Variants in TMEM182 observed in about 807,000 individuals in gnomAD.
TMEM182 encodes transmembrane protein 182.
Under a neutral mutation model 26.8 loss-of-function variants are expected in TMEM182, and 20 were observed. The ratio of observed to expected loss-of-function variants is 0.75; its 90% CI spans 0.53 to 1.09. The LOEUF (loss-of-function observed/expected upper bound fraction) is 1.09. Ranked by LOEUF, TMEM182 falls within the 50% of genes least tolerant of loss-of-function variation. TMEM182 has a pLI of 0.00. For synonymous variants in TMEM182, 109 were observed against 102.2 expected, an observed-to-expected ratio of 1.07 and a Z score of -0.40; for missense variants, 277 against 275.5, an observed-to-expected ratio of 1.01 and a Z score of -0.04.
chr2:102,832,217 T>C (rs190438731), intron 3 of TMEM182, among the ~76,000 whole-genome samples: 1 of 152,356 alleles, frequency 6.6e-6, no homozygotes, highest in Non-Finnish European at 1.5e-5. Flanking sequence ...GACTATAAAT[T>C]AACTCTTTCA....
intron 3 of TMEM182, among the ~76,000 whole-genome samples, chr2:102,792,473 T>C (rs1681690732): frequency 6.6e-6 from 1 of 152,220 alleles, no homozygotes; most frequent in Non-Finnish European, 1.5e-5. Flanking sequence ...TAATTCACCA[T>C]GTGTTGAAGA....
Position 102,762,696 on chromosome 2 carries a change from A to C in TMEM182, c.232+10A>C. 1 of 1,601,492 alleles carries C rather than the reference A, an allele frequency of 6.2e-7. No individual in the cohort carries two copies. Among genetic ancestry groups the C allele is most frequent in the African/African-American group, 1.3e-5 (1 of 74,624 alleles). On this transcript the variant is annotated intron_variant, in intron 2 of 4. Transcript: ENST00000412401. ...TGGAAGTTCTGGTACAGTAAGTACA[A>C]TTTAGCTTTATTTTCCCTCTTGTCT...
downstream of TMEM182, among the ~76,000 whole-genome samples, chr2:102,821,507 G>C (rs1238315486): frequency 1.3e-5 from 2 of 152,130 alleles, no homozygotes; most frequent in Non-Finnish European, 2.9e-5. Context: ...ATGAGTAAAA[G>C]TTCCCTGAGT....
intron 1 of TMEM182, among the ~76,000 whole-genome samples, chr2:102,747,404 G>A (rs1679734077): frequency 6.6e-6 from 1 of 152,134 alleles, no homozygotes; most frequent in Non-Finnish European, 1.5e-5. Context: ...ATGCCTTTGA[G>A]TACTGTTTTA....
intron 3 of TMEM182, among the ~76,000 whole-genome samples, chr2:102,838,605 T>C (rs532780368): frequency 2.6e-4 from 40 of 152,238 alleles, no homozygotes; most frequent in African/African-American, 9.4e-4. Context: ...CATTTGTCAG[T>C]AGTAACAACC....
chr2:102,791,633 T>C (rs1281321921), intron 3 of TMEM182, among the ~76,000 whole-genome samples: 1 of 152,242 alleles, frequency 6.6e-6, no homozygotes, highest in Admixed American at 6.5e-5. Flanking sequence ...AATTCTTTAA[T>C]CCTTTCACAG....
At chr2:102,822,975 A>G (rs990391611) in intron 3 of TMEM182, among the ~76,000 whole-genome samples, 1 of 152,244 alleles carries the variant, frequency 6.6e-6, no homozygotes, top group African/African-American at 2.4e-5. Flanking sequence ...TACTAGTTCC[A>G]GCATCAGGTG....
chr2:102,817,348 C>T lies in TMEM182; in HGVS notation c.*2380C>T. The T allele has an allele frequency of 3.0e-6, 3 of 985,350 alleles. No homozygotes were observed. Among genetic ancestry groups the T allele is most frequent in the Non-Finnish European group, 3.6e-6 (3 of 829,904 alleles). 61.0% of individuals were successfully genotyped at this position (985,350 alleles called of 1,614,324 possible). A position where few individuals can be genotyped will look rare whatever the true frequency, so the allele number is the denominator to read the frequency against. ...TAAAGTTTCAATTTATCAAGGATAT[C>T]TTTTCAGTTACACTTTTAGAAAGAG... On this transcript the variant is annotated 3_prime_UTR_variant, in exon 5 of 5. Transcript: ENST00000412401.
chr2:102,742,899 G>A (rs949917476), intron 1 of TMEM182, among the ~76,000 whole-genome samples: 14 of 152,054 alleles, frequency 9.2e-5, no homozygotes, highest in African/African-American at 2.4e-4. Flanking sequence ...ATTTCCATTA[G>A]CCATGCCTTT....
chr2:102,759,344 G>A (rs980298951), upstream of TMEM182, among the ~76,000 whole-genome samples: 1 of 152,156 alleles, frequency 6.6e-6, no homozygotes, highest in Non-Finnish European at 1.5e-5. Flanking sequence ...AATCCAGGGA[G>A]GGGGCGTGTG....
intron 1 of TMEM182, among the ~76,000 whole-genome samples, chr2:102,756,432 G>A (rs1320853596): frequency 6.6e-6 from 1 of 152,152 alleles, no homozygotes; most frequent in Non-Finnish European, 1.5e-5. Context: ...AATCTGCCGG[G>A]TGCAGTGGCT....
At chr2:102,747,870 A>G (rs1241792961) in intron 1 of TMEM182, among the ~76,000 whole-genome samples, 5 of 152,210 alleles carry the variant, frequency 3.3e-5, no homozygotes, top group Admixed American at 2.6e-4. Flanking sequence ...TGGAAAATGC[A>G]TTTGTCAGAA....
intron 1 of TMEM182, among the ~76,000 whole-genome samples, chr2:102,751,222 C>T (rs1394052159): frequency 5.9e-5 from 9 of 152,112 alleles, no homozygotes; most frequent in South Asian, 2.1e-4. Context: ...CGGCCCACTA[C>T]GGAGTTCACC....
At chr2:102,750,143 G>T (rs772633169) in intron 1 of TMEM182, among the ~76,000 whole-genome samples, 12 of 151,588 alleles carry the variant, frequency 7.9e-5, no homozygotes, top group Non-Finnish European at 1.8e-4. Flanking sequence ...ATTCACTTTC[G>T]CTTCCCCAAT....
intron 3 of TMEM182, chr2:102,834,370 TC>T: frequency 1.0e-6 from 1 of 985,244 alleles, no homozygotes; most frequent in Non-Finnish European, 1.2e-6. Context: ...CCTTTTTTTT[TC>T]CTTCTGATCT....
At chr2:102,745,075 T>G (rs189466894) in intron 1 of TMEM182, among the ~76,000 whole-genome samples, 1 of 152,070 alleles carries the variant, frequency 6.6e-6, no homozygotes, top group East Asian at 1.9e-4. Flanking sequence ...GCCCAACAGA[T>G]GTTGGATAGT....
At chr2:102,745,086 G>A (rs901046904) in intron 1 of TMEM182, among the ~76,000 whole-genome samples, 19 of 150,814 alleles carry the variant, frequency 1.3e-4, no homozygotes, top group African/African-American at 4.4e-4. Flanking sequence ...GTTGGATAGT[G>A]TATTCTTTTT....
At chr2:102,758,869 G>C (rs1028226713), upstream of TMEM182, among the ~76,000 whole-genome samples, 1 of 152,156 alleles carries the variant, frequency 6.6e-6, no homozygotes, top group Non-Finnish European at 1.5e-5. Flanking sequence ...AAAATTAATG[G>C]CTGATTTAAT....
intron 1 of TMEM182, among the ~76,000 whole-genome samples, chr2:102,754,460 A>G (rs1033896483): frequency 1.3e-5 from 2 of 151,656 alleles, no homozygotes; most frequent in African/African-American, 2.4e-5. Flanking sequence ...TTGTACACCT[A>G]CAACATACTA....
Sources: gnomAD v4.1 joint callset for allele counts (sites outside exome capture counted in the v4.1 genomes callset) on GRCh38, gnomAD v4.1.1 for gene constraint, MANE v1.5 for transcripts, NCBI Gene and HGNC (gene_info 2026-07-23, HGNC 2026-07-21) for gene names.